Variants in SIGLEC6 observed in about 807,000 individuals in gnomAD.
SIGLEC6 encodes the protein sialic acid binding Ig like lectin 6.
In SIGLEC6, 31 loss-of-function variants were observed where a neutral mutation model predicts 41.4. That is an observed-to-expected ratio of 0.75 (90% CI 0.56 to 1.01). The LOEUF (loss-of-function observed/expected upper bound fraction) is 1.01. Ranked by LOEUF, SIGLEC6 falls within the 50% of genes least tolerant of loss-of-function variation. The pLI, the probability that SIGLEC6 is intolerant of heterozygous loss-of-function variation, is 0.00. For synonymous variants in SIGLEC6, 217 were observed against 231.0 expected, an observed-to-expected ratio of 0.94 and a Z score of 0.55; for missense variants, 555 against 558.6, an observed-to-expected ratio of 0.99 and a Z score of 0.06.
rs770507668 is a variant in SIGLEC6, at chr19:51,531,322, T to C, written c.265A>G (p.Thr89Ala). Residue 89 changes from threonine (T) to alanine (A), a missense_variant, in exon 2 of 8, where the codon ACC (threonine) becomes GCC (alanine). Transcript: ENST00000425629. ...NDPDEEVQEETRGRFHLLWDP... is the reference protein window; with the variant it reads ...NDPDEEVQEEARGRFHLLWDP... ...CAGAGGAGGTGGAATCGGCCCCGGG[T>C]CTCCTCCTGCACTTCTTCGTCTGGG... 7.4e-6 allele frequency: 12 copies of C among 1,614,038 alleles called. No homozygotes were observed. The South Asian group carries it at 1.2e-4, about 16-fold the overall frequency.
rs759528343 is a variant in SIGLEC6 at position 51,518,594 on chromosome 19, C to T, written c.*1488G>A. Among the ~76,000 whole-genome samples the T allele has an allele frequency of 6.6e-6, 1 of 152,226 alleles. No individual in the cohort carries two copies. The highest frequency in any genetic ancestry group is 1.5e-5 in the Non-Finnish European group (1 of 68,038). ...ACCTCCAGTGATCCACCCACCTCAG[C>T]CTCCCAAAGTGCTGGGATTACAGGC... On this transcript the variant is annotated 3_prime_UTR_variant, in exon 8 of 8. Transcript: ENST00000425629.
intron 7 of SIGLEC6, 65 bp from the exon 8 acceptor site, chr19:51,520,320 T>C: frequency 1.7e-6 from 2 of 1,170,094 alleles, no homozygotes; most frequent in Non-Finnish European, 2.4e-6. Context: ...CAGCCAAGGA[T>C]CAGAAAGGGA....
intron 6 of SIGLEC6, 29 bp from the exon 7 acceptor site, chr19:51,527,857 C>T: frequency 6.2e-7 from 1 of 1,607,032 alleles, no homozygotes; most frequent in Non-Finnish European, 8.5e-7. Flanking sequence ...GCCTTTCAGC[C>T]TGGTTATTTG....
At chr19:51,530,387 C>T (rs1263862567) in intron 4 of SIGLEC6, 50 bp downstream of exon 4, 1 of 1,528,924 alleles carries the variant, frequency 6.5e-7, no homozygotes, top group South Asian at 1.1e-5. Context: ...CGTTAGTCCC[C>T]ACTCTGCTTC....
chr19:51,520,337 C>T, intron 7 of SIGLEC6, 82 bp from the exon 8 acceptor site: 2 of 798,134 alleles, frequency 2.5e-6, no homozygotes, highest in Non-Finnish European at 3.7e-6. Context: ...GGGAGTAGAA[C>T]TGATGGAACT....
chr19:51,527,927 T>C, intron 6 of SIGLEC6, 99 bp from the exon 7 acceptor site: 1 of 1,213,800 alleles, frequency 8.2e-7, no homozygotes, highest in Non-Finnish European at 1.2e-6. Flanking sequence ...ACAGAAGTAA[T>C]TAAGAGGTCC....
intron 4 of SIGLEC6, 75 bp from the exon 5 acceptor site, chr19:51,530,056 G>A (rs892403956): frequency 4.0e-6 from 6 of 1,493,024 alleles, no homozygotes; most frequent in Non-Finnish European, 4.5e-6. Context: ...CCTCCTGTGG[G>A]GTCCACACTA....
chr19:51,530,255 G>A (rs1980029593), intron 4 of SIGLEC6, among the ~76,000 whole-genome samples, 182 bp downstream of exon 4: 1 of 152,208 alleles, frequency 6.6e-6, no homozygotes, highest in Admixed American at 6.5e-5. Context: ...AGAGAGAAGA[G>A]GGAGTGCGAG....
rs1990709170 is a variant in SIGLEC6, at chr19:51,519,059, G to T, written c.*1023C>A. 6.6e-6 allele frequency among the ~76,000 whole-genome samples: 1 copy of T among 152,234 alleles called. No homozygotes were observed. Among genetic ancestry groups the T allele is most frequent in the Non-Finnish European group, 1.5e-5 (1 of 68,016 alleles). On this transcript the variant is annotated 3_prime_UTR_variant, in exon 8 of 8. Transcript: ENST00000425629. ...GCCTGTAATCTCAGCACTTTGGGAG[G>T]CCGAGGAGGGCAGATCACGAGGTCA...
chr19:51,520,341 T>A (rs1990824069), intron 7 of SIGLEC6, 86 bp from the exon 8 acceptor site: 1 of 764,370 alleles, frequency 1.3e-6, no homozygotes, highest in Non-Finnish European at 1.9e-6. Context: ...GTAGAACTGA[T>A]GGAACTTTAT....
In SIGLEC6 at chr19:51,529,970, G is replaced by A. The variant is rs377632071; in HGVS notation, c.766C>T (p.Leu256=). 1.5e-5 allele frequency: 24 copies of A among 1,592,756 alleles called. No individual in the cohort carries two copies. In the African/African-American group the frequency reaches 2.4e-4, roughly 16 times the overall value. ...ACAGGGAGGGACGAGGTGTTTTGCA[G>A]GATTTTGAAGGCTTTGGGGAGAGAG... ...FQGNSAAFKI[L]QNTSSLPVLE... Residue 256 remains leucine (L), a synonymous_variant, in exon 5 of 8, where the codon CTG becomes TTG. Coordinates refer to ENST00000425629, the MANE Select transcript of SIGLEC6 (RefSeq NM_001245.7).
chr19:51,525,356 G>T (rs1422572721), intron 7 of SIGLEC6, among the ~76,000 whole-genome samples: 5 of 152,094 alleles, frequency 3.3e-5, no homozygotes, highest in Admixed American at 1.3e-4. Flanking sequence ...CTACTCCCCC[G>T]AGGCTGGAGA....
At position 51,529,001 on chromosome 19, in the gene SIGLEC6, C is replaced by CAAAAA. The variant is rs3072157; in HGVS notation, c.1012+718_1012+722dup. Among the ~76,000 whole-genome samples, 103 of 92,808 alleles carry CAAAAA rather than the reference C, an allele frequency of 1.1e-3. 8 individuals are homozygous for CAAAAA. Among genetic ancestry groups the CAAAAA allele is most frequent in the Middle Eastern group, 0.014 (2 of 140 alleles). 60.9% of individuals were successfully genotyped at this position (92,808 alleles called of 152,430 possible). A position where few individuals can be genotyped will look rare whatever the true frequency, so the allele number is the denominator to read the frequency against. ...CTGGCAACAGAGTGAGACCCTCTCT[C>CAAAAA]AAAAAAAAAAAAAAAAAGGGAAAAT... On this transcript the variant is annotated intron_variant, in intron 5 of 7. Coordinates refer to ENST00000425629, the MANE Select transcript of SIGLEC6 (RefSeq NM_001245.7).
chr19:51,529,707 C>A lies in SIGLEC6; in HGVS notation c.1012+17G>T, dbSNP rs1490701354. Reference sequence around the variant, plus strand: ...GCCCAGCTGCCCACACTCTCGCGCACCTCCCCCCACACTCACAATGCACAA... The same window carrying A: ...GCCCAGCTGCCCACACTCTCGCGCAACTCCCCCCACACTCACAATGCACAA... On this transcript the variant is annotated intron_variant, in intron 5 of 7. Transcript: ENST00000425629. 1 of 1,613,834 alleles carries A rather than the reference C, an allele frequency of 6.2e-7. No individual in the cohort carries two copies. Among genetic ancestry groups the A allele is most frequent in the East Asian group, 2.2e-5 (1 of 44,864 alleles).
At chr19:51,521,726 A>G (rs959940292) in intron 7 of SIGLEC6, among the ~76,000 whole-genome samples, 12 of 152,174 alleles carry the variant, frequency 7.9e-5, no homozygotes. Context: ...TCTGAACAAC[A>G]GGAATCATGA....
intron 7 of SIGLEC6, among the ~76,000 whole-genome samples, chr19:51,525,000 C>T (rs968316588): frequency 2.6e-5 from 4 of 152,152 alleles, no homozygotes; most frequent in Admixed American, 1.3e-4. Context: ...GAGAGCTGTG[C>T]GGAGTCTGGG....
chr19:51,530,085 G>T, intron 4 of SIGLEC6, 104 bp from the exon 5 acceptor site: 1 of 1,362,778 alleles, frequency 7.3e-7, no homozygotes, highest in Non-Finnish European at 1.0e-6. Context: ...GAGGAGACTA[G>T]TAAAGTGGGG....
chr19:51,523,855 C>T (rs1978732746), intron 7 of SIGLEC6, among the ~76,000 whole-genome samples: 1 of 151,540 alleles, frequency 6.6e-6, no homozygotes, highest in African/African-American at 2.4e-5. Flanking sequence ...CCCGTCTGTA[C>T]TAAAAGTACA....
chr19:51,528,494 C>T, intron 5 of SIGLEC6: 2 of 558,558 alleles, frequency 3.6e-6, no homozygotes, highest in Non-Finnish European at 6.4e-6. Flanking sequence ...AACATCTTCT[C>T]CAAGCTTCAT....
Sources: allele counts gnomAD v4.1 joint callset (sites outside exome capture counted in the v4.1 genomes callset), GRCh38; gene constraint gnomAD v4.1.1; transcripts MANE v1.5; gene names NCBI Gene and HGNC (gene_info 2026-07-23, HGNC 2026-07-21).